Variants in ROBO1 observed in about 807,000 individuals in gnomAD.
The protein encoded by ROBO1 is roundabout guidance receptor 1.
ROBO1 carries 149 observed loss-of-function variants against 195.9 expected under a neutral mutation model. The observed-to-expected ratio is 0.76, with a 90% CI of 0.67 to 0.87. ROBO1 has a LOEUF of 0.87. ROBO1 is among the 40% of genes least tolerant of loss of function. The pLI is 0.00. For synonymous variants in ROBO1, 816 were observed against 733.2 expected (o/e 1.11, Z -1.82); for missense variants, 1,933 against 2,068.3 (o/e 0.93, Z 1.27).
chr3:79,551,505 TACTC>T (rs1278415385), intron 2 of ROBO1, among the ~76,000 whole-genome samples: 1 of 152,116 alleles, frequency 6.6e-6, no homozygotes, highest in African/African-American at 2.4e-5. Context: ...AAAATGTCCT[TACTC>T]AGCACTTTTA....
At chr3:79,107,681 T>TTA (rs2079810026) in intron 3 of ROBO1, among the ~76,000 whole-genome samples, 1 of 151,692 alleles carries the variant, frequency 6.6e-6, no homozygotes. Context: ...TGAGAGTGAT[T>TTA]ACTTATGTAA....
intron 2 of ROBO1, among the ~76,000 whole-genome samples, chr3:79,263,553 A>G (rs2082979671): frequency 6.6e-6 from 1 of 152,036 alleles, no homozygotes; most frequent in Non-Finnish European, 1.5e-5. Context: ...TTTAGGTGGG[A>G]GGATTGCTTG....
chr3:79,011,325 C>T (rs941288864), intron 3 of ROBO1, among the ~76,000 whole-genome samples: 2 of 152,134 alleles, frequency 1.3e-5, no homozygotes, highest in Non-Finnish European at 2.9e-5. Flanking sequence ...AGATATATTT[C>T]TTTAGCCAAA....
Position 78,661,061 on chromosome 3 carries a change from A to G in ROBO1, c.2289T>C (p.Ser763=). ...PFFNEFQGAD[S]EIKFAKTLEE... Reference sequence around the variant, plus strand: ...CCAGGGTTTTGGCAAACTTGATTTCACTATCTGCTCCTTGAAATTCATTAA... The same window carrying G: ...CCAGGGTTTTGGCAAACTTGATTTCGCTATCTGCTCCTTGAAATTCATTAA... Residue 763 remains serine (S), a synonymous_variant, in exon 16 of 31, where the codon AGT becomes AGC. Transcript: ENST00000464233. 6.2e-7 allele frequency: 1 copy of G among 1,613,120 alleles called. No individual in the cohort carries two copies.
intron 3 of ROBO1, among the ~76,000 whole-genome samples, chr3:79,023,957 ACCT>A (rs886525593): frequency 2.7e-5 from 4 of 149,002 alleles, no homozygotes; most frequent in African/African-American, 9.9e-5. Flanking sequence ...TTATCTGCCC[ACCT>A]CAGCCTCCCA....
chr3:78,822,165 A>G lies in ROBO1; in HGVS notation c.500-75265T>C, dbSNP rs1333878974. On this transcript the variant is annotated intron_variant, in intron 4 of 30. Transcript: ENST00000464233. ...GGGCTAATTCTGGAAATGCTAATTCACAGGAACCTATATGCACAGTACAAG... is the reference window on the plus strand; with the variant it reads ...GGGCTAATTCTGGAAATGCTAATTCGCAGGAACCTATATGCACAGTACAAG... Among the ~76,000 whole-genome samples, 7 of 152,192 alleles carry G rather than the reference A, an allele frequency of 4.6e-5. 1 individual carries two copies. Among genetic ancestry groups the G allele is most frequent in the Middle Eastern group, 6.8e-3 (2 of 294 alleles).
chr3:79,495,142 G>A (rs1373572060), intron 2 of ROBO1, among the ~76,000 whole-genome samples: 2 of 152,132 alleles, frequency 1.3e-5, no homozygotes, highest in Non-Finnish European at 2.9e-5. Flanking sequence ...TAGTAGATGA[G>A]TATTTAATAA....
chr3:78,914,771 T>TA (rs2038457563), intron 4 of ROBO1, among the ~76,000 whole-genome samples: 1 of 140,924 alleles, frequency 7.1e-6, no homozygotes, highest in Non-Finnish European at 1.6e-5. Flanking sequence ...ATATATATAT[T>TA]TATATAAATA....
chr3:79,243,709 C>A (rs1190780710), intron 2 of ROBO1, among the ~76,000 whole-genome samples: 1 of 152,110 alleles, frequency 6.6e-6, no homozygotes, highest in African/African-American at 2.4e-5. Context: ...TGTTTGAGTT[C>A]ATCGTAGATT....
intron 3 of ROBO1, among the ~76,000 whole-genome samples, chr3:79,075,778 G>A (rs1397742433): frequency 6.6e-6 from 1 of 151,766 alleles, no homozygotes; most frequent in Non-Finnish European, 1.5e-5. Flanking sequence ...GTTTCACTGG[G>A]CACTATAGTA....
intron 2 of ROBO1, among the ~76,000 whole-genome samples, chr3:79,179,902 TA>T (rs113183388): frequency 2.2e-4 from 33 of 152,314 alleles, no homozygotes; most frequent in African/African-American, 7.9e-4. Context: ...GCAGAGATTG[TA>T]AAACTGGCCA....
chr3:79,116,290 TTC>T (rs930933002), intron 3 of ROBO1, among the ~76,000 whole-genome samples: 23 of 151,218 alleles, frequency 1.5e-4, no homozygotes, highest in African/African-American at 3.6e-4. Flanking sequence ...TTTTCTTTCT[TTC>T]TCTTTCTTTC....
intron 1 of ROBO1, among the ~76,000 whole-genome samples, chr3:79,758,058 T>C (rs17380989): frequency 0.44 from 67,429 of 152,046 alleles, 15,375 homozygotes; most frequent in African/African-American, 0.54. Context: ...ACACAATCAT[T>C]AGTATAATAC....
In ROBO1 at chr3:78,609,521, C is replaced by T. The variant is rs113441244; in HGVS notation, c.4436-2480G>A. On this transcript the variant is annotated intron_variant, in intron 28 of 30. Transcript: ENST00000464233. ...AGAGACAGCCTTCCTTCTTTACCAACATGAATGGATTGCGCTTTTTTCACC... is the reference window on the plus strand; with the variant it reads ...AGAGACAGCCTTCCTTCTTTACCAATATGAATGGATTGCGCTTTTTTCACC... Among the ~76,000 whole-genome samples the T allele has an allele frequency of 1.2e-4, 19 of 152,314 alleles. 1 individual carries two copies. The highest frequency in any genetic ancestry group is 4.6e-4 in the African/African-American group (19 of 41,570).
chr3:78,895,070 A>G (rs1218032107), intron 4 of ROBO1, among the ~76,000 whole-genome samples: 2 of 152,244 alleles, frequency 1.3e-5, no homozygotes, highest in Non-Finnish European at 1.5e-5. Context: ...AGAGCCCAAC[A>G]TGCATTTGAC....
At chr3:79,335,117 A>G (rs2034611780) in intron 2 of ROBO1, among the ~76,000 whole-genome samples, 1 of 152,180 alleles carries the variant, frequency 6.6e-6, no homozygotes, top group South Asian at 2.1e-4. Context: ...GCTCCATAAA[A>G]ACAAAAAACA....
At chr3:79,611,848 T>C (rs886527094) in intron 1 of ROBO1, among the ~76,000 whole-genome samples, 1 of 151,814 alleles carries the variant, frequency 6.6e-6, no homozygotes, top group East Asian at 2.0e-4. Flanking sequence ...GGAAAAAACC[T>C]GCGCATTCTG....
At chr3:79,136,292 C>CA (rs763898546) in intron 2 of ROBO1, among the ~76,000 whole-genome samples, 2 of 151,892 alleles carry the variant, frequency 1.3e-5, no homozygotes, top group African/African-American at 2.4e-5. Context: ...TTAGGGTTTC[C>CA]AACCTTCTTC....
At chr3:79,301,084 T>G (rs2109060513) in intron 2 of ROBO1, among the ~76,000 whole-genome samples, 1 of 152,236 alleles carries the variant, frequency 6.6e-6, no homozygotes. Context: ...GGAAGCTTTG[T>G]TCTTTCGCTC....
Sources: allele counts gnomAD v4.1 joint callset (sites outside exome capture counted in the v4.1 genomes callset), GRCh38; gene constraint gnomAD v4.1.1; transcripts MANE v1.5; gene names NCBI Gene and HGNC (gene_info 2026-07-23, HGNC 2026-07-21).